Variants in MYO16 observed in about 807,000 individuals in gnomAD.
MYO16 encodes myosin XVI.
Under a neutral mutation model 205.3 loss-of-function variants are expected in MYO16, and 94 were observed. That is an observed-to-expected ratio of 0.46 (90% CI 0.39 to 0.54). The LOEUF (loss-of-function observed/expected upper bound fraction) is 0.54, where lower values mean the gene tolerates loss of function less well. Ranked by LOEUF, MYO16 falls within the 20% of genes least tolerant of loss-of-function variation. The pLI is 0.00. For synonymous variants in MYO16, 988 were observed against 954.0 expected, an observed-to-expected ratio of 1.04 and a Z score of -0.66; for missense variants, 2,315 against 2,387.5, an observed-to-expected ratio of 0.97 and a Z score of 0.63.
chr13:108,694,255 C>T (rs1444479803), intron 2 of MYO16, among the ~76,000 whole-genome samples: 1 of 152,134 alleles, frequency 6.6e-6, no homozygotes, highest in Non-Finnish European at 1.5e-5. Context: ...GAGATGGCAT[C>T]TCATTGTTGA....
rs1325459684 is a variant in MYO16 at position 108,845,102 on chromosome 13, A to C, written c.1248+609A>C. On this transcript the variant is annotated intron_variant, in intron 10 of 34. Coordinates refer to ENST00000457511, the MANE Select transcript of MYO16 (RefSeq NM_001198950.3). ...TGATTTTGTATATTTCTGTTTTATA[A>C]GTGGCAGAATAACTTGCATCCTTGA... Among the ~76,000 whole-genome samples the C allele has an allele frequency of 7.9e-5, 12 of 152,312 alleles. No homozygotes were observed. In the East Asian group the frequency reaches 2.3e-3, roughly 29 times the overall value.
chr13:108,974,742 C>T (rs1243259629), intron 20 of MYO16, among the ~76,000 whole-genome samples: 1 of 152,028 alleles, frequency 6.6e-6, no homozygotes, highest in Non-Finnish European at 1.5e-5. Flanking sequence ...TGACACTAAG[C>T]ATGTTAAGCC....
At chr13:108,968,263 A>G (rs530441328) in intron 20 of MYO16, among the ~76,000 whole-genome samples, 13 of 152,108 alleles carry the variant, frequency 8.5e-5, no homozygotes, top group Non-Finnish European at 1.9e-4. Flanking sequence ...GGGGGGGATT[A>G]CTTAATAGCA....
At chr13:108,823,395 A>T in intron 9 of MYO16, 117 bp downstream of exon 9, 6 of 883,208 alleles carry the variant, frequency 6.8e-6, no homozygotes, top group Non-Finnish European at 1.0e-5. Context: ...TGGTTTATCA[A>T]TGTATATACC....
At chr13:108,890,163 C>T (rs748844164) in intron 14 of MYO16, among the ~76,000 whole-genome samples, 5 of 132,616 alleles carry the variant, frequency 3.8e-5, no homozygotes, top group African/African-American at 5.8e-5. Flanking sequence ...AAGCTGGTCT[C>T]GAACTCCTGG....
chr13:108,764,464 T>C (rs1044660945), intron 4 of MYO16, among the ~76,000 whole-genome samples: 2 of 152,160 alleles, frequency 1.3e-5, no homozygotes, highest in Non-Finnish European at 2.9e-5. Flanking sequence ...AGACTGCTAT[T>C]GAAGAATAAT....
chr13:108,759,001 T>A (rs554346135), intron 4 of MYO16, among the ~76,000 whole-genome samples: 2 of 152,342 alleles, frequency 1.3e-5, no homozygotes, highest in South Asian at 4.1e-4. Flanking sequence ...GTTAGGTAAT[T>A]TATTTTTTAG....
intron 4 of MYO16, among the ~76,000 whole-genome samples, chr13:108,745,397 A>G (rs1486909521): frequency 6.6e-6 from 1 of 152,196 alleles, no homozygotes; most frequent in Non-Finnish European, 1.5e-5. Context: ...CCCACAAGGA[A>G]GATTGGAGAG....
rs1566368062 is a variant in MYO16, at chr13:108,849,617, T to TGTGTG, written c.1248+5124_1248+5125insGTGTG. On this transcript the variant is annotated intron_variant, in intron 10 of 34. Coordinates refer to ENST00000457511, the MANE Select transcript of MYO16 (RefSeq NM_001198950.3). Reference sequence around the variant, plus strand: ...CCTCCAAATCCTGTTGAATTTCCTCTTTTGTGTGTGTGTGTGTGTGTGTGT... The same window carrying TGTGTG: ...CCTCCAAATCCTGTTGAATTTCCTCTGTGTGTTTGTGTGTGTGTGTGTGTGTGTGT... 4.3e-4 allele frequency among the ~76,000 whole-genome samples: 31 copies of TGTGTG among 71,504 alleles called. 3 individuals are homozygous for TGTGTG. Among genetic ancestry groups the TGTGTG allele is most frequent in the African/African-American group, 9.1e-4 (13 of 14,296 alleles). 46.9% of individuals were successfully genotyped at this position (71,504 alleles called of 152,430 possible).
intron 11 of MYO16, among the ~76,000 whole-genome samples, chr13:108,860,706 C>T (rs1878410563): frequency 6.6e-6 from 1 of 152,158 alleles, no homozygotes; most frequent in Admixed American, 6.6e-5. Flanking sequence ...AAGATTCCCT[C>T]TTCAATAAAT....
chr13:109,040,603 A>G (rs1240918345), intron 23 of MYO16, among the ~76,000 whole-genome samples: 2 of 152,168 alleles, frequency 1.3e-5, no homozygotes, highest in Non-Finnish European at 2.9e-5. Flanking sequence ...AGGTCAAAGA[A>G]GAAAAAAATA....
Position 108,938,005 on chromosome 13 carries a change from T to C in MYO16, c.1926-19683T>C, listed in dbSNP as rs147996172. ...AGTGGTTTCTTCTGATGTGGAGAAA[T>C]TGGCACTTCTAATTTTTGTAATTAT... On this transcript the variant is annotated intron_variant, in intron 16 of 34. Transcript: ENST00000457511. 3.5e-3 allele frequency among the ~76,000 whole-genome samples: 538 copies of C among 152,320 alleles called. 7 individuals are homozygous for C. Among genetic ancestry groups the C allele is most frequent in the African/African-American group, 0.012 (514 of 41,582 alleles).
chr13:108,761,699 A>G (rs1392298839), intron 4 of MYO16, among the ~76,000 whole-genome samples: 2 of 152,200 alleles, frequency 1.3e-5, no homozygotes, highest in African/African-American at 4.8e-5. Flanking sequence ...AGGTAGTAAA[A>G]TCTGAGGGCT....
chr13:108,978,148 A>G (rs1361543981), intron 20 of MYO16, among the ~76,000 whole-genome samples: 1 of 151,888 alleles, frequency 6.6e-6, no homozygotes, highest in East Asian at 1.9e-4. Flanking sequence ...TGTTGATCTC[A>G]TATGTAGAAA....
At position 108,810,077 on chromosome 13, in the gene MYO16, G is replaced by A. The variant is rs544975626; in HGVS notation, c.867+3273G>A. On this transcript the variant is annotated intron_variant, in intron 7 of 34. Transcript: ENST00000457511. ...GGTACAGACAGATATCTTACTCAAA[G>A]GTTTCCAGAAATGGCCATTTACAAT... 1.1e-4 allele frequency among the ~76,000 whole-genome samples: 16 copies of A among 152,284 alleles called. No homozygotes were observed. The South Asian group carries it at 3.3e-3, about 32-fold the overall frequency.
chr13:108,510,425 A>ATTTTTT, the MYO16 span, among the ~76,000 whole-genome samples: 7 of 97,088 alleles, frequency 7.2e-5, no homozygotes, highest in East Asian at 7.1e-4. Flanking sequence ...TAGATAGTTA[A>ATTTTTT]TTTTTTTTTT....
chr13:108,546,847 G>A, the MYO16 span, among the ~76,000 whole-genome samples: 1 of 152,170 alleles, frequency 6.6e-6, no homozygotes, highest in Non-Finnish European at 1.5e-5. Flanking sequence ...TTTCAGAACA[G>A]ATCTTCAAAT....
intron 4 of MYO16, among the ~76,000 whole-genome samples, chr13:108,757,062 A>C (rs528790562): frequency 5.3e-5 from 8 of 151,336 alleles, no homozygotes; most frequent in African/African-American, 2.0e-4. Context: ...AAATTTCTAA[A>C]ACAATGATGA....
chr13:108,835,035 A>G (rs1358105859), intron 9 of MYO16, among the ~76,000 whole-genome samples: 7 of 152,214 alleles, frequency 4.6e-5, no homozygotes, highest in Admixed American at 3.9e-4. Flanking sequence ...CTTGTAGAAA[A>G]TAACGCATAA....
Sources: gnomAD v4.1 joint callset for allele counts (sites outside exome capture counted in the v4.1 genomes callset) on GRCh38, gnomAD v4.1.1 for gene constraint, MANE v1.5 for transcripts, NCBI Gene and HGNC (gene_info 2026-07-23, HGNC 2026-07-21) for gene names.